Variants in PDE3A observed in about 807,000 individuals in gnomAD.
PDE3A encodes the protein cGMP-inhibited 3',5'-cyclic phosphodiesterase 3A.
In PDE3A, 43 loss-of-function variants were observed where a neutral mutation model predicts 98.3. The ratio of observed to expected loss-of-function variants is 0.44; its 90% confidence interval spans 0.34 to 0.56. The LOEUF is 0.56. Among genes scored for constraint, PDE3A ranks in the 20% least tolerant of loss-of-function variants. The pLI, the probability that PDE3A is intolerant of heterozygous loss-of-function variation, is 0.01. For missense variants in PDE3A, 1,427 were observed against 1,440.7 expected, an observed-to-expected ratio of 0.99 and a Z score of 0.15; for synonymous variants, 663 against 567.9, an observed-to-expected ratio of 1.17 and a Z score of -2.38.
rs542904573 is a variant in PDE3A at position 20,554,731 on chromosome 12, C to T, written c.961-1929C>T. Among the ~76,000 whole-genome samples, 4 of 151,512 alleles carry T rather than the reference C, an allele frequency of 2.6e-5. No individual in the cohort carries two copies. In the South Asian group the frequency reaches 8.4e-4, roughly 32 times the overall value. ...CCTCCCAAGTAGCTGGGATTATAGGCGTGCCCCACCACGCCCACCTAATTT... is the reference window on the plus strand; with the variant it reads ...CCTCCCAAGTAGCTGGGATTATAGGTGTGCCCCACCACGCCCACCTAATTT... On this transcript the variant is annotated intron_variant, in intron 1 of 15. Transcript: ENST00000359062.
At chr12:20,672,165 G>C (rs1258302833) in intron 15 of PDE3A, among the ~76,000 whole-genome samples, 55 of 149,200 alleles carry the variant, frequency 3.7e-4, no homozygotes, top group African/African-American at 1.3e-3. Context: ...TCTTCAAGGA[G>C]AACTACAAAC....
At chr12:20,596,990 C>T (rs367846594) in intron 2 of PDE3A, among the ~76,000 whole-genome samples, 184 of 152,188 alleles carry the variant, frequency 1.2e-3, no homozygotes, top group African/African-American at 4.4e-3. Flanking sequence ...CGTAGGGCTT[C>T]GGATCCAGAC....
chr12:20,552,439 A>T lies in PDE3A; in HGVS notation c.961-4221A>T. ...GGACCGGATCAAGAAGCTGGGGCTGACCATGCAGTATCCAGAAGGCTACCT... is the reference window on the plus strand; with the variant it reads ...GGACCGGATCAAGAAGCTGGGGCTGTCCATGCAGTATCCAGAAGGCTACCT... On this transcript the variant is annotated intron_variant, in intron 1 of 15. Transcript: ENST00000359062. This position sits in a 1 kb window ranked among gnomAD's most constrained non-coding sequence, Gnocchi z 5.1. 2 of 1,612,814 alleles carry T rather than the reference A, an allele frequency of 1.2e-6. No homozygotes were observed. The highest frequency in any genetic ancestry group is 1.7e-6 in the Non-Finnish European group (2 of 1,179,766).
intron 15 of PDE3A, among the ~76,000 whole-genome samples, chr12:20,658,014 T>A (rs1486019519): frequency 6.6e-6 from 1 of 152,192 alleles, no homozygotes; most frequent in Non-Finnish European, 1.5e-5. Flanking sequence ...ATTCAAAGGA[T>A]TAGCTTAAAA....
chr12:20,494,179 G>A (rs553992755), intron 1 of PDE3A, among the ~76,000 whole-genome samples: 1 of 152,310 alleles, frequency 6.6e-6, no homozygotes, highest in East Asian at 1.9e-4. Flanking sequence ...ATGTAAATGA[G>A]TGACATTAGT....
chr12:20,533,744 C>T (rs1367318932), intron 1 of PDE3A, among the ~76,000 whole-genome samples: 1 of 150,686 alleles, frequency 6.6e-6, no homozygotes, highest in Non-Finnish European at 1.5e-5. Context: ...CTTTGGACTC[C>T]CAAAGTGCTG....
At chr12:20,408,724 G>C (rs1009846157) in intron 1 of PDE3A, among the ~76,000 whole-genome samples, 21 of 152,030 alleles carry the variant, frequency 1.4e-4, no homozygotes, top group African/African-American at 4.6e-4. Context: ...ATATAATCCT[G>C]AGTGATTACA....
intron 5 of PDE3A, among the ~76,000 whole-genome samples, chr12:20,624,423 C>A (rs1213307630): frequency 6.6e-6 from 1 of 152,106 alleles, no homozygotes; most frequent in Non-Finnish European, 1.5e-5. Context: ...TCCTGATCCC[C>A]AGTTTGTATG....
rs559117196 is a variant in PDE3A, at chr12:20,415,733, G to A, written c.960+45489G>A. On this transcript the variant is annotated intron_variant, in intron 1 of 15. Transcript: ENST00000359062. ...ATTACAGGCGTGAGCCACCATGCCC[G>A]GCTGGCCTCCTTTTATTTAATTCCT... Among the ~76,000 whole-genome samples the A allele has an allele frequency of 2.6e-4, 39 of 152,232 alleles. 1 individual carries two copies. Among genetic ancestry groups the A allele is most frequent in the South Asian group, 4.1e-4 (2 of 4,826 alleles).
rs1386068387 is a variant in PDE3A at position 20,415,357 on chromosome 12, G to C, written c.960+45113G>C. Among the ~76,000 whole-genome samples the C allele has an allele frequency of 3.3e-5, 5 of 152,012 alleles. No homozygotes were observed. In the East Asian group the frequency reaches 9.7e-4, roughly 29 times the overall value. ...AACAAGGTAATTGTTTTGTGATAAA[G>C]TATTCAGTTCACTCGGAATAAGCCG... On this transcript the variant is annotated intron_variant, in intron 1 of 15. Coordinates refer to ENST00000359062, the MANE Select transcript of PDE3A (RefSeq NM_000921.5).
chr12:20,495,712 C>T (rs1165012652), intron 1 of PDE3A, among the ~76,000 whole-genome samples: 6 of 152,110 alleles, frequency 3.9e-5, no homozygotes, highest in Non-Finnish European at 8.8e-5. Context: ...CATCTCTTTA[C>T]AGAATATTCC....
At chr12:20,469,914 T>C (rs1358026506) in intron 1 of PDE3A, among the ~76,000 whole-genome samples, 2 of 152,182 alleles carry the variant, frequency 1.3e-5, no homozygotes, top group African/African-American at 2.4e-5. Context: ...ACAAAATAGA[T>C]ATTCCCATGG....
intron 15 of PDE3A, among the ~76,000 whole-genome samples, chr12:20,673,985 T>A (rs1001300130): frequency 6.6e-6 from 1 of 152,180 alleles, no homozygotes; most frequent in Non-Finnish European, 1.5e-5. Context: ...TCGTGTGTGT[T>A]GTCTTCAACG....
At chr12:20,545,909 T>C (rs1013021906) in intron 1 of PDE3A, among the ~76,000 whole-genome samples, 1 of 152,018 alleles carries the variant, frequency 6.6e-6, no homozygotes, top group African/African-American at 2.4e-5. Flanking sequence ...TCCTCTTGTC[T>C]CCCCATGAAA....
chr12:20,588,935 G>C (rs1943254018), intron 2 of PDE3A, among the ~76,000 whole-genome samples: 1 of 151,958 alleles, frequency 6.6e-6, no homozygotes, highest in East Asian at 1.9e-4. Context: ...TTGTTTGTTT[G>C]TTTTTGAGAC....
intron 5 of PDE3A, among the ~76,000 whole-genome samples, chr12:20,625,993 A>G (rs890435941): frequency 1.3e-5 from 2 of 152,148 alleles, no homozygotes; most frequent in African/African-American, 4.8e-5. Context: ...ACTTGAGAGA[A>G]TGCATGTTTA....
chr12:20,442,700 G>A lies in PDE3A; in HGVS notation c.960+72456G>A, dbSNP rs189104842. Among the ~76,000 whole-genome samples, 544 of 152,282 alleles carry A rather than the reference G, an allele frequency of 3.6e-3. 8 individuals are homozygous for A. Among genetic ancestry groups the A allele is most frequent in the Non-Finnish European group, 3.4e-3 (233 of 68,018 alleles). On this transcript the variant is annotated intron_variant, in intron 1 of 15. Coordinates refer to ENST00000359062, the MANE Select transcript of PDE3A (RefSeq NM_000921.5). ...TTCACTAGTAGTTTGTAATAGTGTC[G>A]AGTCAAATGTAGCAGTTTGGAAGTG... is the stretch of plus-strand genomic sequence containing the variant.
chr12:20,384,005 CA>C (rs758802018), intron 1 of PDE3A, among the ~76,000 whole-genome samples: 1 of 151,886 alleles, frequency 6.6e-6, no homozygotes, highest in Non-Finnish European at 1.5e-5. Context: ...ATGATAATGT[CA>C]GGGGCAGATT....
At chr12:20,611,439 C>T (rs1943851352) in intron 2 of PDE3A, among the ~76,000 whole-genome samples, 3 of 151,490 alleles carry the variant, frequency 2.0e-5, no homozygotes, top group Admixed American at 6.6e-5. Flanking sequence ...TGTTTTTCAC[C>T]GTACTGGTTC....
Sources: gnomAD v4.1 joint callset for allele counts (sites outside exome capture counted in the v4.1 genomes callset) on GRCh38, gnomAD v4.1.1 for gene constraint, Gnocchi (gnomAD v3.1) non-coding constraint, MANE v1.5 for transcripts, NCBI Gene and HGNC (gene_info 2026-07-23, HGNC 2026-07-21) for gene names.